DOK6: variants seen among roughly 807,000 people sequenced by gnomAD.
DOK6 encodes the protein downstream of tyrosine kinase 6.
Under a neutral mutation model 44.0 loss-of-function variants are expected in DOK6, and 22 were observed. The ratio of observed to expected loss-of-function variants is 0.50; its 90% CI spans 0.36 to 0.71. The LOEUF (loss-of-function observed/expected upper bound fraction) is 0.71. Among genes scored for constraint, DOK6 ranks in the 30% least tolerant of loss-of-function variants. The pLI, the probability that DOK6 is intolerant of heterozygous loss-of-function variation, is 0.00. For missense variants in DOK6, 340 were observed against 416.4 expected (o/e 0.82, Z 1.60); for synonymous variants, 166 against 145.5 (o/e 1.14, Z -1.01).
chr18:69,804,791 G>A (rs1349880363), intron 7 of DOK6, among the ~76,000 whole-genome samples: 1 of 152,098 alleles, frequency 6.6e-6, no homozygotes, highest in Non-Finnish European at 1.5e-5. Context: ...TAAGTCAAAT[G>A]TTTTTATATT....
At chr18:69,627,180 G>A (rs945002191) in intron 3 of DOK6, among the ~76,000 whole-genome samples, 2 of 152,140 alleles carry the variant, frequency 1.3e-5, no homozygotes, top group South Asian at 2.1e-4. Flanking sequence ...AAAAACAGCA[G>A]TGCCAAGAAG....
At chr18:69,544,575 T>A (rs17081215) in intron 1 of DOK6, among the ~76,000 whole-genome samples, 1 of 151,294 alleles carries the variant, frequency 6.6e-6, no homozygotes, top group Non-Finnish European at 1.5e-5. Context: ...ATCAGAAGCA[T>A]TGAGAAGTTT....
intron 1 of DOK6, among the ~76,000 whole-genome samples, chr18:69,465,621 A>T (rs1979904207): frequency 6.6e-6 from 1 of 152,008 alleles, no homozygotes; most frequent in South Asian, 2.1e-4. Flanking sequence ...CCATGTCCCT[A>T]CAAAGGACAT....
chr18:69,524,654 T>A (rs961834368), intron 1 of DOK6, among the ~76,000 whole-genome samples: 5 of 151,976 alleles, frequency 3.3e-5, no homozygotes, highest in African/African-American at 1.2e-4. Context: ...TATAAACAAC[T>A]AAAAATGTTC....
chr18:69,748,927 T>C (rs2144746531), intron 6 of DOK6, among the ~76,000 whole-genome samples: 1 of 152,268 alleles, frequency 6.6e-6, no homozygotes, highest in South Asian at 2.1e-4. Flanking sequence ...AATGATAGAC[T>C]GGATAAGGAA....
chr18:69,559,859 GAGAA>G (rs1218141430), intron 1 of DOK6, among the ~76,000 whole-genome samples: 1 of 152,060 alleles, frequency 6.6e-6, no homozygotes, highest in Non-Finnish European at 1.5e-5. Context: ...TGAGTAAGCA[GAGAA>G]AGAGAGAGAG....
At chr18:69,596,610 C>T (rs917081748) in intron 2 of DOK6, among the ~76,000 whole-genome samples, 1 of 145,836 alleles carries the variant, frequency 6.9e-6, no homozygotes, top group African/African-American at 2.5e-5. Flanking sequence ...GGAAAAAAAA[C>T]ACGCCCACAA....
intron 1 of DOK6, among the ~76,000 whole-genome samples, chr18:69,401,794 G>A (rs951400641): frequency 5.3e-5 from 8 of 152,062 alleles, no homozygotes; most frequent in African/African-American, 1.9e-4. Context: ...GCGCGTCCCT[G>A]CCGGCTGTAG....
At chr18:69,704,337 TTC>T (rs1036897634) in intron 5 of DOK6, among the ~76,000 whole-genome samples, 8 of 152,126 alleles carry the variant, frequency 5.3e-5, no homozygotes, top group African/African-American at 1.9e-4. Context: ...AAGATCCCTT[TTC>T]TCTCTTCTTC....
At chr18:69,771,605 T>C (rs985849242) in intron 7 of DOK6, among the ~76,000 whole-genome samples, 5 of 151,994 alleles carry the variant, frequency 3.3e-5, no homozygotes, top group African/African-American at 1.2e-4. Context: ...CCTGGGGATG[T>C]ATCTCATTTA....
chr18:69,464,980 T>C (rs1459229396), intron 1 of DOK6, among the ~76,000 whole-genome samples: 1 of 152,224 alleles, frequency 6.6e-6, no homozygotes, highest in Non-Finnish European at 1.5e-5. Context: ...TGTAGCATCT[T>C]TACATATTGT....
rs1057384058 is a variant in DOK6, at chr18:69,846,594, G to A, written c.*5211G>A. The A allele has an allele frequency of 6.6e-6, 1 of 152,116 alleles. No individual in the cohort carries two copies. The highest frequency in any genetic ancestry group is 1.5e-5 in the Non-Finnish European group (1 of 68,020). 9.4% of individuals were successfully genotyped at this position (152,116 alleles called of 1,614,324 possible). On this transcript the variant is annotated 3_prime_UTR_variant, in exon 8 of 8. Coordinates refer to ENST00000382713, the MANE Select transcript of DOK6 (RefSeq NM_152721.6). The stretch of plus-strand genomic sequence containing the variant: ...TATAAGCTTTATTTACTCATATATT[G>A]TCATCCAGTTCTTTGAAATTCAATC...
chr18:69,444,401 T>C (rs758147019), intron 1 of DOK6, among the ~76,000 whole-genome samples: 1 of 152,158 alleles, frequency 6.6e-6, no homozygotes, highest in Non-Finnish European at 1.5e-5. Flanking sequence ...GGGCACCATA[T>C]GGACTTGATT....
intron 6 of DOK6, among the ~76,000 whole-genome samples, chr18:69,751,139 A>T (rs1288311537): frequency 1.3e-5 from 2 of 152,200 alleles, no homozygotes; most frequent in Non-Finnish European, 2.9e-5. Context: ...TCAAAGGGTA[A>T]AAGTCTCAGG....
chr18:69,739,969 A>C (rs1013391639), intron 6 of DOK6, among the ~76,000 whole-genome samples: 7 of 152,330 alleles, frequency 4.6e-5, no homozygotes, highest in African/African-American at 1.4e-4. Flanking sequence ...TTTGAAGTAT[A>C]AAATAAATAT....
At chr18:69,471,495 G>A (rs1425058648) in intron 1 of DOK6, 1 of 152,028 alleles carries the variant, frequency 6.6e-6, no homozygotes, top group Non-Finnish European at 1.5e-5. Flanking sequence ...GCCGTGGCAC[G>A]GTGCTTGGAT....
chr18:69,613,159 C>T (rs1359497948), intron 3 of DOK6, among the ~76,000 whole-genome samples: 3 of 152,208 alleles, frequency 2.0e-5, no homozygotes, highest in Admixed American at 6.5e-5. Flanking sequence ...GCGGGAGCCA[C>T]CGTGGCTTGC....
At position 69,530,586 on chromosome 18, in the gene DOK6, G is replaced by GA. The variant is rs201087099; in HGVS notation, c.67-33892dup. 2.8e-3 allele frequency among the ~76,000 whole-genome samples: 420 copies of GA among 150,080 alleles called. 4 individuals are homozygous for GA. The highest frequency in any genetic ancestry group is 9.5e-3 in the African/African-American group (391 of 41,002). ...ACCAAGAAAGATGAGAAGTATCAAT[G>GA]AAAAAAAAATGACTGGATTCAACAC... On this transcript the variant is annotated intron_variant, in intron 1 of 7. Coordinates refer to ENST00000382713, the MANE Select transcript of DOK6 (RefSeq NM_152721.6).
chr18:69,824,054 A>G (rs78797496), intron 7 of DOK6, among the ~76,000 whole-genome samples: 2 of 83,774 alleles, frequency 2.4e-5, no homozygotes, highest in Admixed American at 1.1e-4. Flanking sequence ...CTTTTTTTTT[A>G]AAAATTATAC....
Sources: gnomAD v4.1 joint callset for allele counts (sites outside exome capture counted in the v4.1 genomes callset) on GRCh38, gnomAD v4.1.1 for gene constraint, MANE v1.5 for transcripts, NCBI Gene and HGNC (gene_info 2026-07-23, HGNC 2026-07-21) for gene names.